The following DCX variants were observed in gnomAD, a reference collection of about 807,000 sequenced individuals.
DCX encodes the protein neuronal migration protein doublecortin.
Under a neutral mutation model 20.9 loss-of-function variants are expected in DCX, and 4 were observed. The observed-to-expected ratio is 0.19, with a 90% CI of 0.09 to 0.44. DCX has a LOEUF of 0.44. DCX is among the 20% of genes least tolerant of loss of function. DCX has a pLI of 0.99. For synonymous variants in DCX, 103 were observed against 111.4 expected (o/e 0.92, Z 0.47); for missense variants, 133 against 296.9 (o/e 0.45, Z 4.06).
Position 111,386,648 on chromosome X carries a change from C to T in DCX, c.705+14342G>A, listed in dbSNP as rs1406388821. 3.6e-5 allele frequency among the ~76,000 whole-genome samples: 4 copies of T among 110,978 alleles called. No homozygotes were observed. The Admixed American group carries it at 3.8e-4, about 11-fold the overall frequency. ...GATTACAGTTGGGGTTGACATAGAG[C>T]TGCCTAAATTAACTACCACTAATAT... On this transcript the variant is annotated intron_variant, in intron 3 of 6. Coordinates refer to ENST00000636035, the MANE Select transcript of DCX (RefSeq NM_001195553.2).
chrX:111,351,181 A>G (rs1355097021), intron 3 of DCX, among the ~76,000 whole-genome samples: 1 of 111,970 alleles, frequency 8.9e-6, no homozygotes, highest in Non-Finnish European at 1.9e-5. Context: ...GTAAGAGGAT[A>G]CAGTGTTCTT....
chrX:111,386,627 A>G (rs1436248423), intron 3 of DCX, among the ~76,000 whole-genome samples: 1 of 111,151 alleles, frequency 9.0e-6, no homozygotes, highest in African/African-American at 3.3e-5. Flanking sequence ...AAGGAAGATT[A>G]CAGTTGGGGT....
chrX:111,331,692 T>C (rs189160189), intron 4 of DCX, among the ~76,000 whole-genome samples: 4 of 111,847 alleles, frequency 3.6e-5, no homozygotes, highest in Admixed American at 9.5e-5. Context: ...TGTGGGAGAG[T>C]CTGCCAAATG....
chrX:111,316,086 T>TAAAAAAAAAAAAAA (rs754058802), intron 5 of DCX, among the ~76,000 whole-genome samples: 3 of 50,612 alleles, frequency 5.9e-5, no homozygotes, highest in African/African-American at 8.0e-5. Flanking sequence ...TAATAAAAAA[T>TAAAAAAAAAAAAAA]AAAAAAAAAA....
chrX:111,349,068 T>C (rs1923088977), intron 3 of DCX, among the ~76,000 whole-genome samples: 1 of 111,064 alleles, frequency 9.0e-6, no homozygotes, highest in Admixed American at 9.6e-5. Context: ...AAGCTGTAGG[T>C]CTTCTCCCTA....
chrX:111,338,796 T>C (rs1486400436), intron 3 of DCX, among the ~76,000 whole-genome samples: 1 of 110,366 alleles, frequency 9.1e-6, no homozygotes, highest in East Asian at 2.8e-4. Flanking sequence ...GTATGGTATT[T>C]TTACTGTTTT....
intron 3 of DCX, among the ~76,000 whole-genome samples, chrX:111,339,245 G>C (rs1363627990): frequency 9.0e-6 from 1 of 111,538 alleles, no homozygotes; most frequent in African/African-American, 3.3e-5. Flanking sequence ...TTCAATGTTT[G>C]TCCCCTCCAA....
chrX:111,343,785 C>A (rs1355598901), intron 3 of DCX, among the ~76,000 whole-genome samples: 1 of 111,189 alleles, frequency 9.0e-6, no homozygotes, highest in African/African-American at 3.3e-5. Context: ...AGTTTGAGAC[C>A]AGCCTGGCCA....
intron 3 of DCX, among the ~76,000 whole-genome samples, chrX:111,376,992 A>C (rs1925587343): frequency 8.9e-6 from 1 of 112,055 alleles, no homozygotes; most frequent in Admixed American, 9.5e-5. Context: ...CGCTAATCTG[A>C]AGAAACTGCT....
At position 111,330,985 on chromosome X, in the gene DCX, T is replaced by C. The variant is rs1177277758; in HGVS notation, c.865A>G (p.Thr289Ala). ...CTCTTGGCTGAAGTCTTCTGAGGTG[T>C]TGGGGATGCCTTTGGGCCAGCTGTG... Reference protein sequence around the residue: ...SATAGPKASPTPQKTSAKSPG... With the variant: ...SATAGPKASPAPQKTSAKSPG... The change falls in exon 5 of 7, where the codon ACA becomes GCA. Residue 289 changes from threonine (T) to alanine (A), a missense_variant. Around this residue, in one of 2 missense-constraint regions of DCX, gnomAD observed 68 missense variants for 84.3 expected, o/e 0.81. Transcript: ENST00000636035. The C allele has an allele frequency of 1.7e-6, 2 of 1,211,827 alleles. No individual in the cohort carries two copies. The highest frequency in any genetic ancestry group is 1.7e-5 in the African/African-American group (1 of 57,842).
intron 3 of DCX, among the ~76,000 whole-genome samples, chrX:111,349,433 A>G (rs151056171): frequency 2.7e-5 from 3 of 111,779 alleles, no homozygotes; most frequent in Admixed American, 9.5e-5. Flanking sequence ...ACGGCAAACC[A>G]AAGACTAGAG....
At chrX:111,368,237 G>T (rs1924783366) in intron 3 of DCX, among the ~76,000 whole-genome samples, 1 of 111,482 alleles carries the variant, frequency 9.0e-6, no homozygotes, top group Admixed American at 9.6e-5. Context: ...AAAGACAGGG[G>T]TTCTCCCTCT....
intron 3 of DCX, among the ~76,000 whole-genome samples, chrX:111,334,013 C>T (rs758308918): frequency 8.9e-6 from 1 of 112,101 alleles, no homozygotes; most frequent in Non-Finnish European, 1.9e-5. Flanking sequence ...TCAAAACATG[C>T]TTATACCACC....
intron 2 of DCX, among the ~76,000 whole-genome samples, chrX:111,404,328 C>T (rs1005652445): frequency 8.9e-6 from 1 of 112,004 alleles, no homozygotes; most frequent in African/African-American, 3.2e-5. Context: ...ATGACATGAG[C>T]ACTGCTGGGG....
At chrX:111,403,615 T>C (rs1282209937) in intron 2 of DCX, among the ~76,000 whole-genome samples, 2 of 112,042 alleles carry the variant, frequency 1.8e-5, no homozygotes, top group Non-Finnish European at 3.8e-5. Context: ...TCAGTCAGGA[T>C]GGGGTCCCCA....
chrX:111,332,528 T>C (rs1921343723), intron 4 of DCX, among the ~76,000 whole-genome samples: 1 of 111,710 alleles, frequency 9.0e-6, no homozygotes, highest in Non-Finnish European at 1.9e-5. Flanking sequence ...GGGAAGACGA[T>C]TAGATCCTTC....
intron 5 of DCX, among the ~76,000 whole-genome samples, chrX:111,312,995 G>T (rs949933167): frequency 4.5e-5 from 5 of 111,468 alleles, no homozygotes; most frequent in Admixed American, 9.5e-5. Flanking sequence ...CAATCACAGG[G>T]GTCTGTTTCT....
intron 3 of DCX, among the ~76,000 whole-genome samples, chrX:111,384,579 C>T (rs1485273689): frequency 9.0e-6 from 1 of 111,531 alleles, no homozygotes; most frequent in Non-Finnish European, 1.9e-5. Context: ...AGTGCTAGTA[C>T]AATACTCTGC....
intron 3 of DCX, among the ~76,000 whole-genome samples, chrX:111,345,486 T>C (rs1412570042): frequency 2.7e-5 from 3 of 111,707 alleles, no homozygotes; most frequent in Non-Finnish European, 5.6e-5. Context: ...ATTTTTGCAA[T>C]GTACCCATCT....
Sources: allele counts gnomAD v4.1 joint callset (sites outside exome capture counted in the v4.1 genomes callset), GRCh38; gene constraint gnomAD v4.1.1; regional missense constraint gnomAD v4.1.1; transcripts MANE v1.5; gene names NCBI Gene and HGNC (gene_info 2026-07-23, HGNC 2026-07-21).